The following GABRB1 variants were observed in gnomAD, a reference collection of about 807,000 sequenced individuals.
GABRB1 encodes the protein gamma-aminobutyric acid receptor subunit beta-1.
Under a neutral mutation model 51.6 loss-of-function variants are expected in GABRB1, and 17 were observed. That is an observed-to-expected ratio of 0.33 (90% CI 0.23 to 0.49). The LOEUF (loss-of-function observed/expected upper bound fraction) is 0.49, where lower values mean the gene tolerates loss of function less well. Among genes scored for constraint, GABRB1 ranks in the 20% least tolerant of loss-of-function variants. GABRB1 has a pLI of 0.99. For synonymous variants in GABRB1, 247 were observed against 218.9 expected, an observed-to-expected ratio of 1.13 and a Z score of -1.14; for missense variants, 410 against 600.6, an observed-to-expected ratio of 0.68 and a Z score of 3.32.
chr4:47,161,124 A>G (rs1717937539), intron 3 of GABRB1, 125 bp from the exon 4 acceptor site: 1 of 657,736 alleles, frequency 1.5e-6, no homozygotes, highest in Admixed American at 2.9e-5. Context: ...GTTACCTTAT[A>G]CCTCTAGGTG....
At chr4:47,001,299 C>T (rs6447522) in intron 1 of GABRB1, among the ~76,000 whole-genome samples, 42,790 of 151,592 alleles carry the variant, frequency 0.28, 6,241 homozygotes, top group East Asian at 0.41. Context: ...CCCCCCACCA[C>T]GCCCAGCTAA....
intron 5 of GABRB1, among the ~76,000 whole-genome samples, chr4:47,334,044 A>T (rs1725600455): frequency 6.6e-6 from 1 of 152,168 alleles, no homozygotes; most frequent in Non-Finnish European, 1.5e-5. Flanking sequence ...GCAGAATCAC[A>T]CAACATGTGT....
At chr4:47,149,513 A>T (rs1263928893) in intron 3 of GABRB1, among the ~76,000 whole-genome samples, 2 of 152,032 alleles carry the variant, frequency 1.3e-5, no homozygotes, top group Non-Finnish European at 2.9e-5. Context: ...TCTTTAAATT[A>T]GATTCCAAGT....
At chr4:47,056,931 C>T (rs1726634339) in intron 3 of GABRB1, among the ~76,000 whole-genome samples, 1 of 152,240 alleles carries the variant, frequency 6.6e-6, no homozygotes, top group African/African-American at 2.4e-5. Context: ...CATGGTGAAA[C>T]CCTGTCTCTA....
chr4:47,284,027 G>A (rs529537498), intron 4 of GABRB1, among the ~76,000 whole-genome samples: 32 of 151,214 alleles, frequency 2.1e-4, no homozygotes, highest in African/African-American at 6.3e-4. Flanking sequence ...GAACCCGGGA[G>A]GCGGAGCTTG....
At chr4:47,422,981 C>T (rs1560379489) in intron 8 of GABRB1, among the ~76,000 whole-genome samples, 1 of 152,032 alleles carries the variant, frequency 6.6e-6, no homozygotes, top group Non-Finnish European at 1.5e-5. Context: ...TGTAGTTTTC[C>T]TTTTCTTTCT....
intron 4 of GABRB1, among the ~76,000 whole-genome samples, chr4:47,283,317 G>C (rs1424596199): frequency 7.8e-6 from 1 of 127,432 alleles, no homozygotes; most frequent in Admixed American, 8.6e-5. Flanking sequence ...CGTTCTTCTT[G>C]AGGTTACCTT....
In GABRB1 at chr4:47,301,633, C is replaced by CAAA. The variant is rs11435118; in HGVS notation, c.462-18483_462-18481dup. Among the ~76,000 whole-genome samples the CAAA allele has an allele frequency of 4.3e-3, 625 of 144,740 alleles. 2 individuals carry two copies. Among genetic ancestry groups the CAAA allele is most frequent in the East Asian group, 0.013 (65 of 4,924 alleles). 95.0% of individuals were successfully genotyped at this position (144,740 alleles called of 152,430 possible). A position where few individuals can be genotyped will look rare whatever the true frequency, so the allele number is the denominator to read the frequency against. On this transcript the variant is annotated intron_variant, in intron 4 of 8. Transcript: ENST00000295454. ...TGGGCAACTGAGCTAGACTCTGTCT[C>CAAA]AAAAAAAAAAAAACATTTCAATTAA...
intron 3 of GABRB1, among the ~76,000 whole-genome samples, chr4:47,078,882 C>T (rs1449276877): frequency 6.6e-6 from 1 of 152,130 alleles, no homozygotes; most frequent in African/African-American, 2.4e-5. Flanking sequence ...GGGTTCTGCT[C>T]TCTGCTAAGA....
At chr4:47,080,512 A>G (rs1027861022) in intron 3 of GABRB1, among the ~76,000 whole-genome samples, 7 of 152,214 alleles carry the variant, frequency 4.6e-5, no homozygotes, top group African/African-American at 9.7e-5. Flanking sequence ...AAATGAACAC[A>G]TTAGCATGGT....
chr4:47,177,556 GA>G (rs1437663191), intron 4 of GABRB1, among the ~76,000 whole-genome samples: 1 of 152,020 alleles, frequency 6.6e-6, no homozygotes, highest in Admixed American at 6.6e-5. Flanking sequence ...TCACTCTAAA[GA>G]AATTTTGCTG....
In GABRB1 at chr4:47,397,785, C is replaced by T. The variant is rs1427911649; in HGVS notation, c.545-5533C>T. On this transcript the variant is annotated intron_variant, in intron 5 of 8. Transcript: ENST00000295454. ...ACAGGGTTTCACCATGTTGGCCAGG[C>T]TGGTTTCGAACTCCTGATCCCAAGT... 3.3e-5 allele frequency among the ~76,000 whole-genome samples: 5 copies of T among 152,062 alleles called. No individual in the cohort carries two copies. In the East Asian group the frequency reaches 9.7e-4, roughly 29 times the overall value.
At chr4:47,317,569 T>A (rs1009306481) in intron 4 of GABRB1, among the ~76,000 whole-genome samples, 2 of 151,908 alleles carry the variant, frequency 1.3e-5, no homozygotes, top group Non-Finnish European at 2.9e-5. Flanking sequence ...GTAAAACATT[T>A]TGAAAAAAAA....
In GABRB1 at chr4:47,031,948, G is replaced by C; in HGVS notation, c.115G>C (p.Glu39Gln). ...NEPSNMSYVK[E>Q]TVDRLLKGYD... is the part of the protein sequence containing the mutation. ...ACCCAGCAACATGTCATACGTGAAA[G>C]AGACAGTGGACAGATTGCTCAAAGG... Residue 39 changes from glutamate to glutamine, a missense_variant, in exon 2 of 9, where the codon GAG becomes CAG. Coordinates refer to ENST00000295454, the MANE Select transcript of GABRB1 (RefSeq NM_000812.4). 4 of 1,613,896 alleles carry C rather than the reference G, an allele frequency of 2.5e-6. No individual in the cohort carries two copies. Among genetic ancestry groups the C allele is most frequent in the South Asian group, 1.1e-5 (1 of 91,062 alleles).
At chr4:47,279,784 T>C (rs1723209446) in intron 4 of GABRB1, among the ~76,000 whole-genome samples, 1 of 152,028 alleles carries the variant, frequency 6.6e-6, no homozygotes, top group South Asian at 2.1e-4. Flanking sequence ...ATCCCTTAAT[T>C]TTCAATTTCT....
intron 4 of GABRB1, among the ~76,000 whole-genome samples, chr4:47,309,761 A>G (rs768086973): frequency 2.6e-5 from 4 of 152,040 alleles, no homozygotes; most frequent in Non-Finnish European, 4.4e-5. Context: ...TAATAATAAA[A>G]CTGTGATAAT....
intron 4 of GABRB1, among the ~76,000 whole-genome samples, chr4:47,264,310 A>G (rs1722564817): frequency 6.6e-6 from 1 of 152,232 alleles, no homozygotes; most frequent in African/African-American, 2.4e-5. Context: ...TTCAAAGGCT[A>G]GAAGAGTTTT....
chr4:47,275,490 G>C (rs891994856), intron 4 of GABRB1, among the ~76,000 whole-genome samples: 6 of 152,082 alleles, frequency 3.9e-5, no homozygotes, highest in African/African-American at 1.4e-4. Flanking sequence ...GGATGATAAG[G>C]ATGGTTCTGT....
intron 3 of GABRB1, among the ~76,000 whole-genome samples, chr4:47,054,983 A>G (rs780636305): frequency 4.7e-4 from 71 of 152,344 alleles, no homozygotes; most frequent in African/African-American, 1.4e-3. Flanking sequence ...CCTAACCACA[A>G]TAGAAGACAT....
Sources: gnomAD v4.1 joint callset for allele counts (sites outside exome capture counted in the v4.1 genomes callset) on GRCh38, gnomAD v4.1.1 for gene constraint, MANE v1.5 for transcripts, NCBI Gene and HGNC (gene_info 2026-07-23, HGNC 2026-07-21) for gene names.